FOXP2: variants seen among roughly 807,000 people sequenced by gnomAD.
The protein encoded by FOXP2 is forkhead box protein P2.
Under a neutral mutation model 115.8 loss-of-function variants are expected in FOXP2, and 12 were observed. The ratio of observed to expected loss-of-function variants is 0.10; its 90% CI spans 0.07 to 0.17. FOXP2 has a LOEUF of 0.17. Ranked by LOEUF, FOXP2 falls within the 10% of genes least tolerant of loss-of-function variation. The probability of loss-of-function intolerance (pLI) is 1.00; values close to 1 mark genes in which losing one functional copy is unlikely to be tolerated. For missense variants in FOXP2, 629 were observed against 843.5 expected (o/e 0.75, Z 3.15); for synonymous variants, 328 against 297.7 (o/e 1.10, Z -1.05).
At chr7:114,660,125 A>G (rs557638290) in intron 13 of FOXP2, among the ~76,000 whole-genome samples, 34 of 152,318 alleles carry the variant, frequency 2.2e-4, no homozygotes, top group East Asian at 7.7e-4. Context: ...AGTGAGGGCC[A>G]TGGCTACTCA....
chr7:114,665,116 A>G (rs1585008451), intron 16 of FOXP2: 1 of 152,260 alleles, frequency 6.6e-6, no homozygotes, highest in East Asian at 1.9e-4. Context: ...AGAGAGTAGA[A>G]GTATTAAAAA....
intron 1 of FOXP2, among the ~76,000 whole-genome samples, chr7:114,098,356 G>T (rs1343722708): frequency 6.6e-6 from 1 of 152,146 alleles, no homozygotes; most frequent in African/African-American, 2.4e-5. Context: ...AATCAAAACA[G>T]TATAGTACTG....
rs958170590 is a variant in FOXP2, at chr7:114,348,105, G to A, written c.-11+59996G>A. Among the ~76,000 whole-genome samples the A allele has an allele frequency of 5.3e-5, 8 of 151,886 alleles. No homozygotes were observed. In the East Asian group the frequency reaches 5.8e-4, roughly 11 times the overall value. On this transcript the variant is annotated intron_variant, in intron 2 of 17. Coordinates refer to the FOXP2 transcript ENST00000634411. ...TAATATCATTCTATTAGAGAATTAC[G>A]TGGTAAATCACAGTTGAAATACAAG... is the stretch of plus-strand genomic sequence containing the variant.
intron 6 of FOXP2, among the ~76,000 whole-genome samples, chr7:114,636,416 CAG>C (rs958458168): frequency 1.3e-5 from 2 of 152,000 alleles, no homozygotes; most frequent in Admixed American, 1.3e-4. Flanking sequence ...TTTGGCTTAA[CAG>C]AATATATATA....
chr7:114,490,853 G>T (rs1216875224), intron 2 of FOXP2, among the ~76,000 whole-genome samples: 1 of 152,126 alleles, frequency 6.6e-6, no homozygotes, highest in South Asian at 2.1e-4. Context: ...TTTTATGGCT[G>T]CATAGTATTC....
At chr7:114,274,684 G>A (rs1001334194) in intron 1 of FOXP2, among the ~76,000 whole-genome samples, 4 of 128,736 alleles carry the variant, frequency 3.1e-5, no homozygotes, top group African/African-American at 1.1e-4. Context: ...GCACGATCTC[G>A]GCTCAAGGCA....
At chr7:114,509,153 A>T (rs888203070) in intron 2 of FOXP2, among the ~76,000 whole-genome samples, 7 of 152,126 alleles carry the variant, frequency 4.6e-5, no homozygotes, top group Non-Finnish European at 1.0e-4. Flanking sequence ...TATGAAAGTC[A>T]GAGTCTTCAG....
chr7:114,641,701 C>A (rs1805538333), intron 6 of FOXP2, among the ~76,000 whole-genome samples: 1 of 151,798 alleles, frequency 6.6e-6, no homozygotes, highest in Admixed American at 6.6e-5. Flanking sequence ...CAGTTCCTCA[C>A]TGATTTAAAA....
At chr7:114,520,000 G>T (rs1798536835) in intron 2 of FOXP2, among the ~76,000 whole-genome samples, 1 of 152,078 alleles carries the variant, frequency 6.6e-6, no homozygotes, top group Admixed American at 6.6e-5. Flanking sequence ...TGATAAAACA[G>T]CTTACATTAA....
intron 2 of FOXP2, among the ~76,000 whole-genome samples, chr7:114,435,841 CAGA>C (rs1794320461): frequency 6.6e-6 from 1 of 152,102 alleles, no homozygotes; most frequent in South Asian, 2.1e-4. Flanking sequence ...GCCCGGCTGT[CAGA>C]AGTTTTGACT....
intron 2 of FOXP2, among the ~76,000 whole-genome samples, chr7:114,325,115 C>A (rs1419588543): frequency 6.6e-6 from 1 of 151,720 alleles, no homozygotes; most frequent in Non-Finnish European, 1.5e-5. Flanking sequence ...AAATTTAATT[C>A]TTTAAAAAAT....
At chr7:114,425,135 A>G (rs907311099) in intron 1 of FOXP2, among the ~76,000 whole-genome samples, 1 of 151,632 alleles carries the variant, frequency 6.6e-6, no homozygotes, top group African/African-American at 2.4e-5. Context: ...TTTCTCCATG[A>G]CAGGAAGAGA....
At position 114,559,348 on chromosome 7, in the gene FOXP2, T is replaced by C. The variant is rs1303463376; in HGVS notation, c.258+24642T>C. ...GACAACAGCCATGTCATCTGCCCTT[T>C]CCTTGATTTCAGCCTTACCTATCTG... is the stretch of plus-strand genomic sequence containing the variant. On this transcript the variant is annotated intron_variant, in intron 3 of 16. Transcript: ENST00000350908. Among the ~76,000 whole-genome samples, 3 of 152,066 alleles carry C rather than the reference T, an allele frequency of 2.0e-5. No individual in the cohort carries two copies. The East Asian group carries it at 5.8e-4, about 29-fold the overall frequency.
chr7:114,131,298 C>G (rs1040914138), intron 1 of FOXP2, among the ~76,000 whole-genome samples: 2 of 152,174 alleles, frequency 1.3e-5, no homozygotes, highest in African/African-American at 4.8e-5. Context: ...ACAAATTACA[C>G]TTTGTTAAGA....
At chr7:114,459,705 TC>T (rs1795476578) in intron 2 of FOXP2, among the ~76,000 whole-genome samples, 1 of 149,416 alleles carries the variant, frequency 6.7e-6, no homozygotes. Flanking sequence ...AACCTCCATC[TC>T]CCGGATTTAA....
At chr7:114,628,481 G>A in intron 3 of FOXP2, 59 bp from the exon 4 acceptor site, 1 of 1,604,474 alleles carries the variant, frequency 6.2e-7, no homozygotes, top group South Asian at 1.1e-5. Context: ...TTGTGAAGTT[G>A]ATTAACAGAT....
intron 1 of FOXP2, among the ~76,000 whole-genome samples, chr7:114,133,430 A>C (rs1237376628): frequency 6.6e-6 from 1 of 152,220 alleles, no homozygotes; most frequent in East Asian, 1.9e-4. Context: ...AAGTTAGCAT[A>C]TAGGCGTTAC....
intron 3 of FOXP2, among the ~76,000 whole-genome samples, chr7:114,547,385 T>C (rs1428436548): frequency 1.3e-5 from 2 of 152,196 alleles, no homozygotes; most frequent in African/African-American, 4.8e-5. Flanking sequence ...TAATCATGTT[T>C]CTAATGCCAC....
At chr7:114,162,864 G>A (rs1168344866), upstream of FOXP2, 2 of 151,848 alleles carry the variant, frequency 1.3e-5, no homozygotes, top group Admixed American at 1.3e-4. Context: ...ATAATAGGAA[G>A]CTTCAACCCC....
Sources: allele counts gnomAD v4.1 joint callset (sites outside exome capture counted in the v4.1 genomes callset), GRCh38; gene constraint gnomAD v4.1.1; transcripts MANE v1.5; gene names NCBI Gene and HGNC (gene_info 2026-07-23, HGNC 2026-07-21).